Variants in DIP2B observed in about 807,000 individuals in gnomAD.
The protein encoded by DIP2B is DIP2 acetate--CoA ligase B (putative), also known as disco-interacting protein 2 homolog B.
In DIP2B, 76 loss-of-function variants were observed where a neutral mutation model predicts 198.0. That is an observed-to-expected ratio of 0.38 (90% CI 0.32 to 0.46). DIP2B has a LOEUF of 0.46. Ranked by LOEUF, DIP2B falls within the 20% of genes least tolerant of loss-of-function variation. The pLI is 0.99. For missense variants in DIP2B, 1,559 were observed against 1,978.4 expected (o/e 0.79, Z 4.02); for synonymous variants, 701 against 739.1 (o/e 0.95, Z 0.84).
chr12:50,704,019 T>C, intron 19 of DIP2B, 121 bp from the exon 20 acceptor site: 1 of 726,032 alleles, frequency 1.4e-6, no homozygotes, highest in South Asian at 1.7e-5. Context: ...GGGATGGAAT[T>C]ACTGGATTCA....
chr12:50,690,243 C>T (rs1230594169), intron 12 of DIP2B, among the ~76,000 whole-genome samples: 3 of 152,260 alleles, frequency 2.0e-5, no homozygotes, highest in South Asian at 2.1e-4. Context: ...CCCGCCACTA[C>T]GCCCGGCTAA....
Position 50,703,950 on chromosome 12 carries a change from T to G in DIP2B, c.2326-190T>G, listed in dbSNP as rs1434203908. On this transcript the variant is annotated intron_variant, in intron 19 of 37. Coordinates refer to ENST00000301180, the MANE Select transcript of DIP2B (RefSeq NM_173602.3). ...TGTTTTATATATATATTTATATATGTATCTTCTTAAAAGTCTAGAGAGGTA... is the reference window on the plus strand; with the variant it reads ...TGTTTTATATATATATTTATATATGGATCTTCTTAAAAGTCTAGAGAGGTA... Among the ~76,000 whole-genome samples the G allele has an allele frequency of 2.2e-4, 33 of 150,846 alleles. 1 individual carries two copies. The highest frequency in any genetic ancestry group is 2.2e-3 in the Admixed American group (33 of 15,122).
chr12:50,546,419 T>A (rs1044584178), intron 1 of DIP2B, among the ~76,000 whole-genome samples: 1 of 152,360 alleles, frequency 6.6e-6, no homozygotes, highest in Non-Finnish European at 1.5e-5. Flanking sequence ...TCTGAGGCCA[T>A]GCCTGAGATC....
In DIP2B at chr12:50,746,667, G is replaced by A. The variant is rs1940345280; in HGVS notation, c.*1828G>A. The A allele has an allele frequency of 6.6e-6, 1 of 152,124 alleles. No homozygotes were observed. The highest frequency in any genetic ancestry group is 1.5e-5 in the Non-Finnish European group (1 of 68,028). 9.4% of individuals were successfully genotyped at this position (152,124 alleles called of 1,614,324 possible). ...CACGTAATGAGGGAAGTCCTAGGAT[G>A]GATAGAAAAAAAGCACTTACATTGG... On this transcript the variant is annotated 3_prime_UTR_variant, in exon 38 of 38. Transcript: ENST00000301180.
chr12:50,630,402 G>T (rs1164095399), intron 2 of DIP2B, among the ~76,000 whole-genome samples: 1 of 151,580 alleles, frequency 6.6e-6, no homozygotes, highest in Admixed American at 6.6e-5. Flanking sequence ...CTGTGGATTT[G>T]TCAGTTTTCC....
chr12:50,537,153 G>A (rs1411425694), intron 1 of DIP2B, among the ~76,000 whole-genome samples: 1 of 54,250 alleles, frequency 1.8e-5, no homozygotes, highest in Non-Finnish European at 3.5e-5. Flanking sequence ...TAGAGACAGG[G>A]TCTCACTTTG....
At chr12:50,518,377 A>T (rs1290379255) in intron 1 of DIP2B, among the ~76,000 whole-genome samples, 1 of 152,110 alleles carries the variant, frequency 6.6e-6, no homozygotes, top group African/African-American at 2.4e-5. Flanking sequence ...GGCACCCGCT[A>T]CCATGCCCGG....
intron 3 of DIP2B, among the ~76,000 whole-genome samples, chr12:50,657,820 G>A (rs907901454): frequency 5.3e-5 from 8 of 152,098 alleles, no homozygotes; most frequent in Non-Finnish European, 1.0e-4. Context: ...GATTATAGGG[G>A]AATCAAGAGA....
At chr12:50,692,547 A>G (rs1939239674) in intron 13 of DIP2B, among the ~76,000 whole-genome samples, 1 of 152,136 alleles carries the variant, frequency 6.6e-6, no homozygotes, top group Non-Finnish European at 1.5e-5. Context: ...CTCTAAAAAC[A>G]TCAAATCAGG....
intron 1 of DIP2B, among the ~76,000 whole-genome samples, chr12:50,533,158 A>G (rs1371729905): frequency 6.6e-6 from 1 of 152,230 alleles, no homozygotes; most frequent in Non-Finnish European, 1.5e-5. Context: ...AGAATATTAA[A>G]GTGTCCATTT....
chr12:50,618,753 T>C (rs943641333), intron 1 of DIP2B, among the ~76,000 whole-genome samples: 6 of 152,204 alleles, frequency 3.9e-5, no homozygotes, highest in African/African-American at 1.4e-4. Context: ...GATAGGGCTG[T>C]TGTGAGGCTC....
chr12:50,692,621 T>TG (rs1456147286), intron 13 of DIP2B, among the ~76,000 whole-genome samples: 1 of 152,120 alleles, frequency 6.6e-6, no homozygotes, highest in African/African-American at 2.4e-5. Context: ...GAGGATCACT[T>TG]GAGGTCAGGA....
intron 1 of DIP2B, among the ~76,000 whole-genome samples, chr12:50,607,894 A>G (rs928459190): frequency 5.9e-5 from 9 of 152,146 alleles, no homozygotes; most frequent in East Asian, 3.9e-4. Context: ...CCTGGATTCA[A>G]GTGATTCTCC....
intron 1 of DIP2B, among the ~76,000 whole-genome samples, chr12:50,515,431 A>G (rs1427027857): frequency 6.6e-6 from 1 of 151,838 alleles, no homozygotes; most frequent in African/African-American, 2.4e-5. Flanking sequence ...GGGTTTCACC[A>G]TGTTGGTCAG....
chr12:50,622,721 C>T (rs1937838463), intron 1 of DIP2B, among the ~76,000 whole-genome samples: 1 of 152,212 alleles, frequency 6.6e-6, no homozygotes, highest in Admixed American at 6.5e-5. Flanking sequence ...AAGCGATTCT[C>T]CTGCCTCAGT....
chr12:50,533,014 T>C (rs939067941), intron 1 of DIP2B, among the ~76,000 whole-genome samples: 1 of 152,208 alleles, frequency 6.6e-6, no homozygotes, highest in African/African-American at 2.4e-5. Flanking sequence ...CAAGCTGTTA[T>C]CTAAAATGGT....
chr12:50,550,774 A>G (rs978343637), intron 1 of DIP2B, among the ~76,000 whole-genome samples: 2 of 152,188 alleles, frequency 1.3e-5, no homozygotes, highest in Non-Finnish European at 2.9e-5. Flanking sequence ...AGCTAGTAAC[A>G]TGTTGTTCTT....
At chr12:50,593,691 T>TTCTTC (rs1958839359) in intron 1 of DIP2B, among the ~76,000 whole-genome samples, 1 of 88,902 alleles carries the variant, frequency 1.1e-5, no homozygotes, top group Admixed American at 1.3e-4. Context: ...ATACACTCTT[T>TTCTTC]TCTCCTCTCC....
At chr12:50,528,871 G>A (rs889793663) in intron 1 of DIP2B, among the ~76,000 whole-genome samples, 2 of 152,156 alleles carry the variant, frequency 1.3e-5, no homozygotes, top group African/African-American at 4.8e-5. Context: ...ACAAAAGAAT[G>A]GTTAAGCATT....
Sources: gnomAD v4.1 joint callset for allele counts (sites outside exome capture counted in the v4.1 genomes callset) on GRCh38, gnomAD v4.1.1 for gene constraint, MANE v1.5 for transcripts, NCBI Gene and HGNC (gene_info 2026-07-23, HGNC 2026-07-21) for gene names.